The following EHMT1 variants were observed in gnomAD, a reference collection of about 807,000 sequenced individuals.
EHMT1 encodes histone-lysine N-methyltransferase EHMT1.
EHMT1 carries 15 observed loss-of-function variants against 147.2 expected under a neutral mutation model. That is an observed-to-expected ratio of 0.10 (90% CI 0.07 to 0.16). The LOEUF is 0.16. Ranked by LOEUF, EHMT1 falls within the 10% of genes least tolerant of loss-of-function variation. EHMT1 has a pLI of 1.00. For synonymous variants in EHMT1, 795 were observed against 709.6 expected, an observed-to-expected ratio of 1.12 and a Z score of -1.91; for missense variants, 1,587 against 1,772.4, an observed-to-expected ratio of 0.90 and a Z score of 1.88.
chr9:137,717,233 T>C, intron 3 of EHMT1, 51 bp downstream of exon 3: 1 of 1,596,734 alleles, frequency 6.3e-7, no homozygotes, highest in Non-Finnish European at 8.5e-7. Flanking sequence ...TCTTTTGTTT[T>C]AATAACGGCA....
intron 17 of EHMT1, 163 bp from the exon 18 acceptor site, chr9:137,800,717 G>A: frequency 1.5e-6 from 1 of 649,888 alleles, no homozygotes; most frequent in Non-Finnish European, 2.8e-6. Flanking sequence ...TGTGCTCTGA[G>A]GAAGAACTGT....
At position 137,731,015 on chromosome 9, in the gene EHMT1, G is replaced by A. The variant is rs73572120; in HGVS notation, c.823+2486G>A. 0.051 allele frequency among the ~76,000 whole-genome samples: 7,707 copies of A among 152,306 alleles called. 639 individuals are homozygous for A. The highest frequency in any genetic ancestry group is 0.17 in the African/African-American group (7,228 of 41,538). On this transcript the variant is annotated intron_variant, in intron 4 of 26. Transcript: ENST00000460843. This position sits in a 1 kb window ranked among gnomAD's most constrained non-coding sequence, Gnocchi z 4.3. ...ATGTGAGGACTTAAAAGTAATGTCT[G>A]AAGAGTTGTTAAAGTGTTGAGATTT...
At chr9:137,719,362 G>A (rs933477945) in intron 3 of EHMT1, among the ~76,000 whole-genome samples, 5 of 152,130 alleles carry the variant, frequency 3.3e-5, no homozygotes, top group Admixed American at 1.3e-4. Context: ...TGGACTGCTG[G>A]CTCCTCAGGG....
At chr9:137,738,343 A>G (rs1178211140) in intron 4 of EHMT1, among the ~76,000 whole-genome samples, 1 of 152,220 alleles carries the variant, frequency 6.6e-6, no homozygotes, top group Non-Finnish European at 1.5e-5. Context: ...AATGCAAATC[A>G]AAACCACAGT....
At chr9:137,634,192 G>T (rs1032502407) in intron 1 of EHMT1, among the ~76,000 whole-genome samples, 1 of 152,142 alleles carries the variant, frequency 6.6e-6, no homozygotes, top group East Asian at 1.9e-4. Flanking sequence ...TTGTTTTCCA[G>T]TTGGTTTCTT....
chr9:137,814,533 G>A (rs1160968582), intron 22 of EHMT1, 25 bp downstream of exon 22: 1 of 1,601,786 alleles, frequency 6.2e-7, no homozygotes, highest in South Asian at 1.1e-5. Flanking sequence ...GTGTGCGTGG[G>A]CTCAGGTGGT....
At chr9:137,635,472 C>T (rs1315468064) in intron 1 of EHMT1, among the ~76,000 whole-genome samples, 1 of 151,736 alleles carries the variant, frequency 6.6e-6, no homozygotes, top group Non-Finnish European at 1.5e-5. Flanking sequence ...TCCTTGGCCT[C>T]CCAAAGTGTT....
chr9:137,653,575 C>A (rs1938098972), intron 1 of EHMT1, among the ~76,000 whole-genome samples: 1 of 152,126 alleles, frequency 6.6e-6, no homozygotes, highest in Non-Finnish European at 1.5e-5. Flanking sequence ...GTCGCCCAGG[C>A]TGGAGTGCAG....
intron 1 of EHMT1, among the ~76,000 whole-genome samples, chr9:137,661,190 T>C (rs1199803319): frequency 6.6e-6 from 1 of 152,190 alleles, no homozygotes; most frequent in Admixed American, 6.5e-5. Context: ...TTTACCCAGA[T>C]ACCCCAAGTG....
At chr9:137,655,639 G>T (rs564140483) in intron 1 of EHMT1, among the ~76,000 whole-genome samples, 1 of 152,350 alleles carries the variant, frequency 6.6e-6, no homozygotes, top group East Asian at 1.9e-4. Context: ...CACCCAGCAG[G>T]ACTTGAGCGG....
At chr9:137,622,427 TTCTG>T (rs1473861495) in intron 1 of EHMT1, among the ~76,000 whole-genome samples, 1 of 152,148 alleles carries the variant, frequency 6.6e-6, no homozygotes, top group Non-Finnish European at 1.5e-5. Context: ...GCCGATCATC[TTCTG>T]TCTTTCTAGA....
intron 1 of EHMT1, among the ~76,000 whole-genome samples, chr9:137,622,213 G>C (rs1842982577): frequency 6.7e-6 from 1 of 149,160 alleles, no homozygotes; most frequent in Non-Finnish European, 1.5e-5. Context: ...CCGCCTCCCG[G>C]ATTCAAGTGA....
chr9:137,797,350 G>A (rs1246752781), intron 16 of EHMT1, among the ~76,000 whole-genome samples: 3 of 152,186 alleles, frequency 2.0e-5, no homozygotes, highest in Non-Finnish European at 2.9e-5. Context: ...CCACTCTGCC[G>A]CTCCCAGCCC....
intron 4 of EHMT1, among the ~76,000 whole-genome samples, chr9:137,729,907 G>T (rs888217340): frequency 6.6e-6 from 1 of 152,190 alleles, no homozygotes; most frequent in African/African-American, 2.4e-5. Context: ...GTCCTGTTCC[G>T]CATTTCCCAT....
At chr9:137,630,269 A>G (rs556515410) in intron 1 of EHMT1, among the ~76,000 whole-genome samples, 1 of 152,380 alleles carries the variant, frequency 6.6e-6, no homozygotes, top group African/African-American at 2.4e-5. Flanking sequence ...TGATGTTACA[A>G]AATTTAATAA....
At chr9:137,833,394 G>C (rs2133128702) in intron 25 of EHMT1, among the ~76,000 whole-genome samples, 1 of 152,370 alleles carries the variant, frequency 6.6e-6, no homozygotes, top group Non-Finnish European at 1.5e-5. Flanking sequence ...AGCAGGGGTT[G>C]GGCGTGCCGG....
At chr9:137,729,113 T>G (rs1307522156) in intron 4 of EHMT1, among the ~76,000 whole-genome samples, 1 of 152,096 alleles carries the variant, frequency 6.6e-6, no homozygotes, top group African/African-American at 2.4e-5. Context: ...TCAAACCTCC[T>G]CAGCTTCTGG....
chr9:137,721,250 C>A, intron 3 of EHMT1, among the ~76,000 whole-genome samples: 1 of 151,304 alleles, frequency 6.6e-6, no homozygotes, highest in Admixed American at 6.6e-5. Context: ...TCACACTCGC[C>A]CCCTCCCAGA....
At chr9:137,794,120 T>C (rs893950940) in intron 16 of EHMT1, among the ~76,000 whole-genome samples, 1 of 152,252 alleles carries the variant, frequency 6.6e-6, no homozygotes, top group Non-Finnish European at 1.5e-5. Context: ...CTGCCTCATG[T>C]CACATTAAAC....
Sources: allele counts gnomAD v4.1 joint callset (sites outside exome capture counted in the v4.1 genomes callset), GRCh38; gene constraint gnomAD v4.1.1; non-coding constraint Gnocchi (gnomAD v3.1); transcripts MANE v1.5; gene names NCBI Gene and HGNC (gene_info 2026-07-23, HGNC 2026-07-21).